The following CHST9 variants were observed in gnomAD, a reference collection of about 807,000 sequenced individuals.
CHST9 encodes the protein GalNAc-4-sulfotransferase 2.
CHST9 carries 41 observed loss-of-function variants against 44.4 expected under a neutral mutation model. The observed-to-expected ratio is 0.92, with a 90% CI of 0.72 to 1.20. The LOEUF (loss-of-function observed/expected upper bound fraction) is 1.20. CHST9 is among the 50% of genes most tolerant of loss of function. The pLI is 0.00. For missense variants in CHST9, 504 were observed against 516.5 expected, an observed-to-expected ratio of 0.98 and a Z score of 0.23; for synonymous variants, 171 against 178.4, an observed-to-expected ratio of 0.96 and a Z score of 0.33.
intron 1 of CHST9, among the ~76,000 whole-genome samples, chr18:27,147,356 C>T (rs1415810775): frequency 2.6e-5 from 4 of 152,048 alleles, no homozygotes; most frequent in Non-Finnish European, 4.4e-5. Context: ...TGTGAGCCAC[C>T]GCACCCAGCA....
At chr18:27,131,423 C>T (rs1160378471) in intron 2 of CHST9, among the ~76,000 whole-genome samples, 3 of 152,134 alleles carry the variant, frequency 2.0e-5, no homozygotes, top group Non-Finnish European at 2.9e-5. Context: ...TGGTGGCGCA[C>T]GCCTGTACTT....
chr18:27,049,305 T>A (rs1229738609), intron 2 of CHST9, among the ~76,000 whole-genome samples: 1 of 151,472 alleles, frequency 6.6e-6, no homozygotes, highest in African/African-American at 2.4e-5. Context: ...TCAAGATGAG[T>A]GGTTAGCTAG....
chr18:27,141,408 T>C (rs2058564248), intron 2 of CHST9, among the ~76,000 whole-genome samples: 1 of 151,268 alleles, frequency 6.6e-6, no homozygotes, highest in South Asian at 2.1e-4. Context: ...CTGGTCAACA[T>C]GGTGAAACCC....
intron 4 of CHST9, among the ~76,000 whole-genome samples, chr18:26,955,313 G>A (rs555058949): frequency 1.3e-5 from 2 of 151,906 alleles, no homozygotes; most frequent in East Asian, 3.9e-4. Context: ...GAATTGAGGG[G>A]AAGGACTGAG....
chr18:26,963,540 G>A (rs2056426961), intron 4 of CHST9, among the ~76,000 whole-genome samples: 1 of 149,684 alleles, frequency 6.7e-6, no homozygotes, highest in East Asian at 2.0e-4. Context: ...GTGCTGGGCA[G>A]CGCAGATTCC....
chr18:27,159,858 T>C (rs1166140670), intron 1 of CHST9, among the ~76,000 whole-genome samples: 1 of 152,188 alleles, frequency 6.6e-6, no homozygotes, highest in Non-Finnish European at 1.5e-5. Context: ...GGTATTTTAT[T>C]CTCTTTGAAG....
chr18:26,969,492 CAGAT>C (rs2056513758), intron 4 of CHST9, among the ~76,000 whole-genome samples: 1 of 151,934 alleles, frequency 6.6e-6, no homozygotes, highest in Admixed American at 6.6e-5. Flanking sequence ...ATTAAGCTCC[CAGAT>C]AAAGATGAGT....
intron 1 of CHST9, among the ~76,000 whole-genome samples, chr18:27,169,769 C>G (rs2058820056): frequency 6.6e-6 from 1 of 151,744 alleles, no homozygotes. Context: ...ACCATGCCGG[C>G]TAATTTTTTT....
At chr18:27,017,599 A>G (rs1027353201) in intron 4 of CHST9, among the ~76,000 whole-genome samples, 7 of 152,170 alleles carry the variant, frequency 4.6e-5, no homozygotes, top group South Asian at 2.1e-4. Flanking sequence ...GGTAGAGAGA[A>G]GGTAGAAGAA....
chr18:27,062,496 C>CT (rs2057735933), intron 2 of CHST9, among the ~76,000 whole-genome samples: 4 of 152,118 alleles, frequency 2.6e-5, no homozygotes, highest in Admixed American at 6.6e-5. Flanking sequence ...TGAACTCATC[C>CT]TTTTTTCTGG....
chr18:27,003,366 C>T (rs569799320), intron 4 of CHST9, among the ~76,000 whole-genome samples: 2 of 152,268 alleles, frequency 1.3e-5, no homozygotes, highest in East Asian at 3.9e-4. Context: ...ATCTACCACT[C>T]ATGGGAGGTT....
chr18:26,956,324 A>ATAT (rs1489746145), intron 4 of CHST9, among the ~76,000 whole-genome samples: 34 of 129,448 alleles, frequency 2.6e-4, no homozygotes, highest in African/African-American at 1.0e-3. Flanking sequence ...AAAAAAAAAA[A>ATAT]AAATATATAT....
At chr18:26,957,932 G>A (rs768186841) in intron 4 of CHST9, among the ~76,000 whole-genome samples, 1 of 151,620 alleles carries the variant, frequency 6.6e-6, no homozygotes, top group Non-Finnish European at 1.5e-5. Context: ...TGTCATCCAG[G>A]CTGTAGTGCA....
chr18:27,047,398 G>GTGTGTC (rs2057514861), intron 3 of CHST9, among the ~76,000 whole-genome samples: 1 of 151,394 alleles, frequency 6.6e-6, no homozygotes, highest in Non-Finnish European at 1.5e-5. Flanking sequence ...TTGTGTGTGT[G>GTGTGTC]TGTGTGTGTG....
chr18:27,014,437 G>A (rs1054153267), intron 4 of CHST9, among the ~76,000 whole-genome samples: 5 of 109,824 alleles, frequency 4.6e-5, no homozygotes, highest in African/African-American at 1.4e-4. Context: ...CTGGGCGACA[G>A]AGCGAGACTC....
At chr18:27,083,070 T>C (rs1385753) in intron 2 of CHST9, among the ~76,000 whole-genome samples, 51,660 of 151,932 alleles carry the variant, frequency 0.34, 9,172 homozygotes, top group East Asian at 0.5. Context: ...TGTGAAGAGA[T>C]AGCCGTAAGG....
chr18:27,109,741 G>C (rs1290210456), intron 2 of CHST9, among the ~76,000 whole-genome samples: 1 of 152,060 alleles, frequency 6.6e-6, no homozygotes, highest in Non-Finnish European at 1.5e-5. Flanking sequence ...AGGGGCTCCT[G>C]GTGAATTATA....
intron 1 of CHST9, among the ~76,000 whole-genome samples, chr18:27,172,067 CT>C (rs1290499545): frequency 2.0e-5 from 3 of 152,086 alleles, no homozygotes; most frequent in Non-Finnish European, 1.5e-5. Context: ...AAGGCACAGT[CT>C]TTTACACGGA....
At position 26,995,259 on chromosome 18, in the gene CHST9, TAAAAA is replaced by T. The variant is rs56839431; in HGVS notation, c.202+28852_202+28856del. Reference sequence around the variant, plus strand: ...TAACACGGTGAAACCCCATCTCTACTAAAAAAAAAAAAAAAAAAAATGCAAAAAAT... The same window carrying T: ...TAACACGGTGAAACCCCATCTCTACTAAAAAAAAAAAAAAATGCAAAAAAT... On this transcript the variant is annotated intron_variant, in intron 4 of 5. Coordinates refer to ENST00000618847, the MANE Select transcript of CHST9 (RefSeq NM_031422.6). Among the ~76,000 whole-genome samples the T allele has an allele frequency of 3.6e-5, 4 of 110,098 alleles. 1 individual carries two copies. Among genetic ancestry groups the T allele is most frequent in the Admixed American group, 2.9e-4 (3 of 10,486 alleles). 72.2% of individuals were successfully genotyped at this position (110,098 alleles called of 152,430 possible). A position where few individuals can be genotyped will look rare whatever the true frequency, so the allele number is the denominator to read the frequency against.
Sources: gnomAD v4.1 joint callset for allele counts (sites outside exome capture counted in the v4.1 genomes callset) on GRCh38, gnomAD v4.1.1 for gene constraint, MANE v1.5 for transcripts, NCBI Gene and HGNC (gene_info 2026-07-23, HGNC 2026-07-21) for gene names.